The following LDB2 variants were observed in gnomAD, a reference collection of about 807,000 sequenced individuals.
LDB2 encodes the protein LIM domain binding 2, also known as LIM domain-binding protein 2.
Under a neutral mutation model 44.3 loss-of-function variants are expected in LDB2, and 12 were observed. The ratio of observed to expected loss-of-function variants is 0.27; its 90% CI spans 0.17 to 0.44. The LOEUF (loss-of-function observed/expected upper bound fraction) is 0.44. LDB2 is among the 20% of genes least tolerant of loss of function. LDB2 has a pLI of 1.00. For missense variants in LDB2, 344 were observed against 473.5 expected (o/e 0.73, Z 2.54); for synonymous variants, 164 against 174.8 (o/e 0.94, Z 0.49).
intron 5 of LDB2, among the ~76,000 whole-genome samples, chr4:16,515,433 T>TA (rs1723284316): frequency 6.6e-6 from 1 of 152,144 alleles, no homozygotes; most frequent in Non-Finnish European, 1.5e-5. Flanking sequence ...ATAAAAATTG[T>TA]AAAAAAAGAT....
At chr4:16,672,970 C>T in intron 2 of LDB2, among the ~76,000 whole-genome samples, 1 of 151,280 alleles carries the variant, frequency 6.6e-6, no homozygotes, top group Middle Eastern at 3.4e-3. Flanking sequence ...TTCTCCCTCC[C>T]TCCATCCTTT....
chr4:16,531,143 T>C lies in LDB2; in HGVS notation c.616-19039A>G, dbSNP rs544289179. 2.1e-3 allele frequency among the ~76,000 whole-genome samples: 323 copies of C among 152,290 alleles called. 2 individuals carry two copies. Among genetic ancestry groups the C allele is most frequent in the Non-Finnish European group, 3.9e-3 (265 of 68,030 alleles). Reference sequence around the variant, plus strand: ...ACAGCAGGTGCTCCATAAACACCTATTGAACAAATGGATGATTCTGCAGCC... The same window carrying C: ...ACAGCAGGTGCTCCATAAACACCTACTGAACAAATGGATGATTCTGCAGCC... On this transcript the variant is annotated intron_variant, in intron 5 of 7. Transcript: ENST00000304523.
At chr4:16,886,949 C>T (rs1400543374) in intron 1 of LDB2, among the ~76,000 whole-genome samples, 2 of 139,468 alleles carry the variant, frequency 1.4e-5, no homozygotes, top group Non-Finnish European at 3.0e-5. Flanking sequence ...AGGAGAATGG[C>T]GTGAACCCAG....
chr4:16,655,418 A>G (rs996219304), intron 2 of LDB2, among the ~76,000 whole-genome samples: 23 of 152,306 alleles, frequency 1.5e-4, no homozygotes, highest in Admixed American at 4.6e-4. Context: ...GTTTCTGATG[A>G]AGAGAAATGC....
intron 1 of LDB2, among the ~76,000 whole-genome samples, chr4:16,872,831 G>A (rs1461764316): frequency 1.3e-5 from 2 of 152,182 alleles, no homozygotes; most frequent in East Asian, 1.9e-4. Flanking sequence ...AGCAAAAGAT[G>A]ACAAGATCAG....
At chr4:16,641,500 G>A (rs1467933464) in intron 2 of LDB2, among the ~76,000 whole-genome samples, 3 of 152,192 alleles carry the variant, frequency 2.0e-5, no homozygotes, top group Non-Finnish European at 4.4e-5. Flanking sequence ...TAAGGGCCTC[G>A]GGGGGCTTTT....
At chr4:16,852,879 T>A (rs1788567443) in intron 1 of LDB2, among the ~76,000 whole-genome samples, 1 of 152,164 alleles carries the variant, frequency 6.6e-6, no homozygotes, top group Admixed American at 6.5e-5. Context: ...AATATTGAAG[T>A]AAGTTTATTT....
At position 16,838,853 on chromosome 4, in the gene LDB2, C is replaced by T. The variant is rs79403111; in HGVS notation, c.132+59501G>A. On this transcript the variant is annotated intron_variant, in intron 1 of 7. Transcript: ENST00000304523. ...TTTTGGAAGAACTTACTCTAAAATG[C>T]ACAATAGGCATAGTCATATCAGTGA... 3.3e-5 allele frequency among the ~76,000 whole-genome samples: 5 copies of T among 152,284 alleles called. No individual in the cohort carries two copies. In the East Asian group the frequency reaches 9.7e-4, roughly 29 times the overall value.
At position 16,502,528 on chromosome 4, in the gene LDB2, A is replaced by G; in HGVS notation, c.*115T>C. 7.7e-7 allele frequency: 1 copy of G among 1,306,534 alleles called. No individual in the cohort carries two copies. Among genetic ancestry groups the G allele is most frequent in the Non-Finnish European group, 1.1e-6 (1 of 931,676 alleles). 80.9% of individuals were successfully genotyped at this position (1,306,534 alleles called of 1,614,324 possible). A position where few individuals can be genotyped will look rare whatever the true frequency, so the allele number is the denominator to read the frequency against. ...AATCAGATCATTGTGGTTTAGAAAT[A>G]GATATTTGCATGGAAAAGTTTTTAT... On this transcript the variant is annotated 3_prime_UTR_variant, in exon 8 of 8. Coordinates refer to ENST00000304523, the MANE Select transcript of LDB2 (RefSeq NM_001290.5).
chr4:16,710,851 G>A (rs943779721), intron 2 of LDB2, among the ~76,000 whole-genome samples: 3 of 152,124 alleles, frequency 2.0e-5, no homozygotes, highest in Non-Finnish European at 4.4e-5. Flanking sequence ...AATACATTGA[G>A]TCAACAGGGA....
intron 1 of LDB2, among the ~76,000 whole-genome samples, chr4:16,869,775 A>T (rs968929866): frequency 2.6e-5 from 4 of 152,206 alleles, no homozygotes. Context: ...TCATACCAAT[A>T]CGTAGATGTT....
intron 2 of LDB2, among the ~76,000 whole-genome samples, chr4:16,612,293 C>G (rs1179997008): frequency 6.6e-6 from 1 of 151,974 alleles, no homozygotes; most frequent in Non-Finnish European, 1.5e-5. Flanking sequence ...CCTAACATCA[C>G]AATTAAAAGA....
chr4:16,581,647 A>C (rs530701343), intron 5 of LDB2, among the ~76,000 whole-genome samples: 9 of 152,018 alleles, frequency 5.9e-5, no homozygotes, highest in Non-Finnish European at 1.2e-4. Flanking sequence ...CCTGATGATC[A>C]CCTACTCAAC....
intron 5 of LDB2, among the ~76,000 whole-genome samples, chr4:16,581,158 T>G (rs1000032669): frequency 1.3e-5 from 2 of 152,188 alleles, no homozygotes; most frequent in Admixed American, 6.5e-5. Context: ...TGATGTGCTC[T>G]ACCCAGAAAA....
At chr4:16,737,383 C>A (rs1047757998) in intron 2 of LDB2, among the ~76,000 whole-genome samples, 3 of 152,254 alleles carry the variant, frequency 2.0e-5, no homozygotes, top group East Asian at 1.9e-4. Context: ...CATCAGCCCC[C>A]ACTCCTGTCT....
intron 2 of LDB2, among the ~76,000 whole-genome samples, chr4:16,709,557 C>T (rs561573842): frequency 2.0e-4 from 30 of 152,242 alleles, no homozygotes; most frequent in African/African-American, 6.7e-4. Flanking sequence ...TTTTAACTCA[C>T]AAGATATTTG....
intron 1 of LDB2, among the ~76,000 whole-genome samples, chr4:16,841,563 G>A (rs935123956): frequency 1.3e-5 from 2 of 152,092 alleles, no homozygotes; most frequent in Non-Finnish European, 1.5e-5. Flanking sequence ...TTTTCATCTC[G>A]AAGGCAACCA....
intron 2 of LDB2, among the ~76,000 whole-genome samples, chr4:16,686,033 C>G (rs1214253613): frequency 6.6e-6 from 1 of 151,914 alleles, no homozygotes; most frequent in Non-Finnish European, 1.5e-5. Context: ...GCATGGGTGA[C>G]AGAGAGAGAC....
intron 6 of LDB2, among the ~76,000 whole-genome samples, chr4:16,510,190 T>G (rs867675949): frequency 6.6e-6 from 1 of 152,180 alleles, no homozygotes; most frequent in Non-Finnish European, 1.5e-5. Context: ...GGAAGGATCT[T>G]CCTCTAAGGC....
Sources: allele counts gnomAD v4.1 joint callset (sites outside exome capture counted in the v4.1 genomes callset), GRCh38; gene constraint gnomAD v4.1.1; transcripts MANE v1.5; gene names NCBI Gene and HGNC (gene_info 2026-07-23, HGNC 2026-07-21).